Variants in GRM4 observed in about 807,000 individuals in gnomAD.
The protein encoded by GRM4 is glutamate metabotropic receptor 4, also known as metabotropic glutamate receptor 4.
GRM4 carries 28 observed loss-of-function variants against 81.7 expected under a neutral mutation model. The ratio of observed to expected loss-of-function variants is 0.34; its 90% CI spans 0.25 to 0.47. The LOEUF (loss-of-function observed/expected upper bound fraction) is 0.47. Among genes scored for constraint, GRM4 ranks in the 20% least tolerant of loss-of-function variants. The pLI, the probability that GRM4 is intolerant of heterozygous loss-of-function variation, is 1.00. For synonymous variants in GRM4, 488 were observed against 528.8 expected, an observed-to-expected ratio of 0.92 and a Z score of 1.06; for missense variants, 948 against 1,290.0, an observed-to-expected ratio of 0.73 and a Z score of 4.06.
rs796797594 is a variant in GRM4, at chr6:34,114,917, A to G, written c.519+18061T>C. ...CTTGCACAAACTTGGAGCTCCATAC[A>G]TGTTTGCTGAATCAAATGGAATCCA... On this transcript the variant is annotated intron_variant, in intron 2 of 10. Coordinates refer to ENST00000538487, the MANE Select transcript of GRM4 (RefSeq NM_000841.4). The surrounding 1 kb of genome is among the most constrained non-coding windows in gnomAD (Gnocchi z 4.3). Among the ~76,000 whole-genome samples the G allele has an allele frequency of 3.9e-5, 6 of 152,254 alleles. No homozygotes were observed. Among genetic ancestry groups the G allele is most frequent in the African/African-American group, 1.4e-4 (6 of 41,536 alleles).
At chr6:34,076,639 C>G (rs2499696) in intron 3 of GRM4, among the ~76,000 whole-genome samples, 130,092 of 151,938 alleles carry the variant, frequency 0.86, 55,922 homozygotes, top group South Asian at 0.92. Context: ...AAAGTGAGCA[C>G]GGCAGCAGGG....
intron 9 of GRM4, 144 bp from the exon 10 acceptor site, chr6:34,028,510 C>G (rs1764253324): frequency 2.5e-6 from 2 of 806,006 alleles, no homozygotes; most frequent in East Asian, 2.6e-5. Context: ...GACTGCAGAC[C>G]AGGGTTTCTG....
chr6:34,103,161 C>A (rs1160554051), intron 2 of GRM4, among the ~76,000 whole-genome samples: 1 of 152,208 alleles, frequency 6.6e-6, no homozygotes, highest in African/African-American at 2.4e-5. Context: ...TCCTGCCCAG[C>A]CTCTTATCAG....
chr6:34,110,919 G>A (rs913180344), intron 2 of GRM4: 154 of 1,136,910 alleles, frequency 1.4e-4, no homozygotes, highest in Non-Finnish European at 1.7e-4. Flanking sequence ...GACAGTAAGA[G>A]CCCACAAGGA....
chr6:34,139,253 C>A (rs922930357), intron 1 of GRM4, among the ~76,000 whole-genome samples: 1 of 152,210 alleles, frequency 6.6e-6, no homozygotes, highest in Non-Finnish European at 1.5e-5. Context: ...TCTGCCAAAA[C>A]AACAGGGCCC....
chr6:34,065,340 G>A (rs568207075), intron 3 of GRM4, among the ~76,000 whole-genome samples: 10 of 152,192 alleles, frequency 6.6e-5, no homozygotes, highest in Middle Eastern at 6.8e-3. Flanking sequence ...GGAGGGGCAC[G>A]CCTCCTCACC....
chr6:34,108,210 G>A (rs1238229425), intron 2 of GRM4, among the ~76,000 whole-genome samples: 2 of 152,170 alleles, frequency 1.3e-5, no homozygotes, highest in African/African-American at 2.4e-5. Context: ...CTAACTCACC[G>A]CATGACCTCA....
Position 34,042,826 on chromosome 6 carries a change from T to C in GRM4, c.1169-2078A>G, listed in dbSNP as rs1358697308. ...ATCTCACTGCCTCTCCCTGAGGCAGTACCCTCTAATCCCCTCACACCCTCT... is the reference window on the plus strand; with the variant it reads ...ATCTCACTGCCTCTCCCTGAGGCAGCACCCTCTAATCCCCTCACACCCTCT... On this transcript the variant is annotated intron_variant, in intron 6 of 10. Transcript: ENST00000538487. The surrounding 1 kb of genome is among the most constrained non-coding windows in gnomAD (Gnocchi z 4.2). Among the ~76,000 whole-genome samples the C allele has an allele frequency of 1.3e-5, 2 of 152,118 alleles. No individual in the cohort carries two copies. The highest frequency in any genetic ancestry group is 2.9e-5 in the Non-Finnish European group (2 of 68,004).
At chr6:34,154,322 G>T (rs989110678) in intron 1 of GRM4, among the ~76,000 whole-genome samples, 1 of 152,046 alleles carries the variant, frequency 6.6e-6, no homozygotes, top group Non-Finnish European at 1.5e-5. Context: ...GGGCCCTCTC[G>T]TTCTCACCTC....
intron 6 of GRM4, among the ~76,000 whole-genome samples, chr6:34,045,343 C>T (rs1487432865): frequency 6.6e-6 from 1 of 152,242 alleles, no homozygotes; most frequent in Admixed American, 6.5e-5. Flanking sequence ...CCTGGCACCT[C>T]GCCTTCCCAC....
intron 2 of GRM4, 108 bp downstream of exon 2, chr6:34,132,870 G>A: frequency 1.1e-6 from 1 of 897,298 alleles, no homozygotes; most frequent in Non-Finnish European, 1.7e-6. Flanking sequence ...TTAGAGTGAG[G>A]AAAAAAGGAG....
At chr6:34,142,159 C>T (rs1046524424) in intron 1 of GRM4, among the ~76,000 whole-genome samples, 1 of 152,346 alleles carries the variant, frequency 6.6e-6, no homozygotes, top group East Asian at 1.9e-4. Context: ...AGGCCCATGC[C>T]CACCAGTGCA....
intron 2 of GRM4, among the ~76,000 whole-genome samples, chr6:34,097,544 C>A (rs1417715237): frequency 1.3e-5 from 2 of 152,202 alleles, no homozygotes; most frequent in Non-Finnish European, 2.9e-5. Context: ...CTCACACAAC[C>A]AGCCCAGGCA....
rs1023789436 is a variant in GRM4 at position 34,114,331 on chromosome 6, TG to T, written c.519+18646del. Among the ~76,000 whole-genome samples, 7 of 152,190 alleles carry T rather than the reference TG, an allele frequency of 4.6e-5. No individual in the cohort carries two copies. The highest frequency in any genetic ancestry group is 7.3e-5 in the Non-Finnish European group (5 of 68,030). On this transcript the variant is annotated intron_variant, in intron 2 of 10. Coordinates refer to ENST00000538487, the MANE Select transcript of GRM4 (RefSeq NM_000841.4). This position sits in a 1 kb window ranked among gnomAD's most constrained non-coding sequence, Gnocchi z 4.3. ...TACTAAAAGATGCTCACCAGCTATT[TG>T]GTGGATATATGAACCAATGGATGTC...
upstream of GRM4, among the ~76,000 whole-genome samples, chr6:34,148,249 C>T (rs144791503): frequency 6.5e-3 from 985 of 152,212 alleles, 13 homozygotes; most frequent in African/African-American, 0.021. Flanking sequence ...CCAAGCGCTC[C>T]GTCAGCGGCC....
upstream of GRM4, among the ~76,000 whole-genome samples, chr6:34,149,368 G>GA (rs1771002320): frequency 6.6e-6 from 1 of 152,208 alleles, no homozygotes; most frequent in Admixed American, 6.5e-5. Context: ...GCCATTAGAT[G>GA]AAAATGTCTC....
At chr6:34,138,025 G>A (rs576563995) in intron 1 of GRM4, among the ~76,000 whole-genome samples, 1 of 152,260 alleles carries the variant, frequency 6.6e-6, no homozygotes, top group South Asian at 2.1e-4. Flanking sequence ...GAAGAGAACT[G>A]CTGTGATTTA....
At chr6:34,076,249 A>C (rs113403976) in intron 3 of GRM4, among the ~76,000 whole-genome samples, 12,605 of 152,306 alleles carry the variant, frequency 0.083, 1,087 homozygotes, top group African/African-American at 0.21. Flanking sequence ...TCCCTGCCAG[A>C]GGCAGGCTCG....
intron 2 of GRM4, chr6:34,102,183 T>C: frequency 6.5e-7 from 1 of 1,529,358 alleles, no homozygotes; most frequent in Non-Finnish European, 8.8e-7. Context: ...CAATAATAGG[T>C]CTCCCCACTT....
Sources: allele counts gnomAD v4.1 joint callset (sites outside exome capture counted in the v4.1 genomes callset), GRCh38; gene constraint gnomAD v4.1.1; non-coding constraint Gnocchi (gnomAD v3.1); transcripts MANE v1.5; gene names NCBI Gene and HGNC (gene_info 2026-07-23, HGNC 2026-07-21).